Variants in ABAT observed in about 807,000 individuals in gnomAD.
ABAT encodes 4-aminobutyrate aminotransferase, also known as 4-aminobutyrate aminotransferase, mitochondrial.
Under a neutral mutation model 64.6 loss-of-function variants are expected in ABAT, and 45 were observed. That is an observed-to-expected ratio of 0.70 (90% CI 0.55 to 0.89). The LOEUF (loss-of-function observed/expected upper bound fraction) is 0.89, where lower values mean the gene tolerates loss of function less well. Ranked by LOEUF, ABAT falls within the 40% of genes least tolerant of loss-of-function variation. The probability of loss-of-function intolerance (pLI) is 0.00; values close to 1 mark genes in which losing one functional copy is unlikely to be tolerated. For synonymous variants in ABAT, 297 were observed against 250.5 expected, an observed-to-expected ratio of 1.19 and a Z score of -1.75; for missense variants, 633 against 658.4, an observed-to-expected ratio of 0.96 and a Z score of 0.42.
At chr16:8,738,634 T>TTTTTTTTTTTG (rs2059063534) in intron 2 of ABAT, among the ~76,000 whole-genome samples, 1 of 148,420 alleles carries the variant, frequency 6.7e-6, no homozygotes, top group African/African-American at 2.5e-5. Context: ...TTTTGTTTTT[T>TTTTTTTTTTTG]TTTTGGTGTG....
chr16:8,777,384 G>A (rs986248882), intron 14 of ABAT, among the ~76,000 whole-genome samples: 4 of 152,094 alleles, frequency 2.6e-5, no homozygotes, highest in South Asian at 4.2e-4. Flanking sequence ...TCAAGGTTTC[G>A]TCATGGGCCA....
Position 8,783,795 on chromosome 16 carries a change from C to G in ABAT, c.*2365C>G, listed in dbSNP as rs1314181274. On this transcript the variant is annotated 3_prime_UTR_variant, in exon 16 of 16. Transcript: ENST00000268251. ...TGGCTCTCTTTGGTAGGGAGAGGGG[C>G]TCCAATATTTCGTTCTCTCCCCATG... 4 of 152,086 alleles carry G rather than the reference C, an allele frequency of 2.6e-5. No individual in the cohort carries two copies. Among genetic ancestry groups the G allele is most frequent in the Admixed American group, 6.6e-5 (1 of 15,260 alleles). 9.4% of individuals were successfully genotyped at this position (152,086 alleles called of 1,614,324 possible).
At chr16:8,676,810 G>C (rs781321132) in intron 1 of ABAT, among the ~76,000 whole-genome samples, 2 of 152,094 alleles carry the variant, frequency 1.3e-5, no homozygotes, top group African/African-American at 4.8e-5. Flanking sequence ...CCCTGCCCAC[G>C]CCCTCTGGCT....
At chr16:8,714,025 C>A in intron 1 of ABAT, 1 of 397,120 alleles carries the variant, frequency 2.5e-6, no homozygotes, top group Non-Finnish European at 5.2e-6. Context: ...TGTGTACATG[C>A]GTGCACATGT....
chr16:8,734,220 A>C (rs1567292968), intron 1 of ABAT, among the ~76,000 whole-genome samples: 1 of 152,066 alleles, frequency 6.6e-6, no homozygotes, highest in Non-Finnish European at 1.5e-5. Context: ...AGCACCTTTC[A>C]CTTTTCCTTC....
chr16:8,731,333 C>G (rs556581968), intron 1 of ABAT: 2 of 152,320 alleles, frequency 1.3e-5, no homozygotes, highest in South Asian at 2.1e-4. Flanking sequence ...TGATAAACTT[C>G]TAGGTAACTC....
chr16:8,729,260 C>T (rs2058649282), intron 1 of ABAT, among the ~76,000 whole-genome samples: 2 of 151,864 alleles, frequency 1.3e-5, no homozygotes, highest in African/African-American at 4.8e-5. Context: ...GCTAAGATTA[C>T]ACCACTGCTC....
At chr16:8,738,616 G>GTTTTTTTTTTTTTTTTTTTTTTT (rs772511380) in intron 2 of ABAT, among the ~76,000 whole-genome samples, 2 of 117,628 alleles carry the variant, frequency 1.7e-5, no homozygotes, top group Non-Finnish European at 1.7e-5. Flanking sequence ...TTTTGTTTTT[G>GTTTTTTTTTTTTTTTTTTTTTTT]TTTTTGTTTT....
At chr16:8,726,858 T>A (rs2058573085) in intron 1 of ABAT, among the ~76,000 whole-genome samples, 1 of 152,230 alleles carries the variant, frequency 6.6e-6, no homozygotes, top group South Asian at 2.1e-4. Flanking sequence ...CATTTGTTAT[T>A]GCCTGTCTTT....
intron 1 of ABAT, chr16:8,683,646 T>C (rs2057385461): frequency 1.3e-5 from 2 of 151,740 alleles, no homozygotes; most frequent in Admixed American, 6.6e-5. Context: ...CTGAAGCTAC[T>C]TAGGTCTGTC....
At chr16:8,696,348 C>T (rs575830826) in intron 1 of ABAT, among the ~76,000 whole-genome samples, 68 of 152,174 alleles carry the variant, frequency 4.5e-4, no homozygotes, top group Non-Finnish European at 8.4e-4. Flanking sequence ...TCAGGCTAGG[C>T]GTGGTGGCTC....
intron 1 of ABAT, among the ~76,000 whole-genome samples, chr16:8,733,242 G>A (rs1417432739): frequency 1.3e-5 from 2 of 151,588 alleles, no homozygotes; most frequent in Non-Finnish European, 2.9e-5. Flanking sequence ...GGGGCGGCCG[G>A]GCAGAGACGC....
chr16:8,743,444 T>TATAC (rs368568293), intron 2 of ABAT, among the ~76,000 whole-genome samples: 1,238 of 117,626 alleles, frequency 0.011, 82 homozygotes, highest in East Asian at 0.02. Flanking sequence ...TATATATATA[T>TATAC]ACACACATTT....
intron 1 of ABAT, among the ~76,000 whole-genome samples, chr16:8,719,018 C>A (rs573783915): frequency 6.6e-6 from 1 of 152,080 alleles, no homozygotes. Flanking sequence ...TTCTGGAGTC[C>A]GTGAAAGTGG....
At chr16:8,755,756 C>CA (rs34651404) in intron 5 of ABAT, among the ~76,000 whole-genome samples, 33,393 of 151,242 alleles carry the variant, frequency 0.22, 3,974 homozygotes, top group African/African-American at 0.31. Flanking sequence ...ACTAAAAATA[C>CA]AAAAAAATTG....
chr16:8,757,634 G>A, intron 5 of ABAT, 123 bp from the exon 6 acceptor site: 2 of 1,081,946 alleles, frequency 1.8e-6, no homozygotes, highest in African/African-American at 1.6e-5. Context: ...AAGGATAAAA[G>A]ACCCTTTGGT....
intron 5 of ABAT, among the ~76,000 whole-genome samples, chr16:8,754,666 ATTTATTTCTTTCTTTC>A (rs1228554509): frequency 4.9e-3 from 57 of 11,652 alleles, no homozygotes; most frequent in Middle Eastern, 0.05. Flanking sequence ...AAGTTGATTT[ATTTATTTCTTTCTTTC>A]TTTCTTTCTT....
At chr16:8,742,347 G>A (rs116670083) in intron 2 of ABAT, among the ~76,000 whole-genome samples, 266 of 152,258 alleles carry the variant, frequency 1.7e-3, no homozygotes, top group Middle Eastern at 6.8e-3. Context: ...ACAATGCAAT[G>A]TCAAGACACT....
At chr16:8,692,404 GTAAA>G (rs1263146053) in intron 1 of ABAT, among the ~76,000 whole-genome samples, 4 of 152,080 alleles carry the variant, frequency 2.6e-5, no homozygotes, top group East Asian at 1.9e-4. Flanking sequence ...TAATAAATAA[GTAAA>G]TAAATAAATA....
Sources: gnomAD v4.1 joint callset for allele counts (sites outside exome capture counted in the v4.1 genomes callset) on GRCh38, gnomAD v4.1.1 for gene constraint, MANE v1.5 for transcripts, NCBI Gene and HGNC (gene_info 2026-07-23, HGNC 2026-07-21) for gene names.